AS3MT: variants seen among roughly 807,000 people sequenced by gnomAD.
The protein encoded by AS3MT is S-adenosyl-L-methionine:arsenic(III) methyltransferase.
AS3MT carries 47 observed loss-of-function variants against 45.3 expected under a neutral mutation model. The observed-to-expected ratio is 1.04, with a 90% CI of 0.82 to 1.32. AS3MT has a LOEUF of 1.32. Among genes scored for constraint, AS3MT ranks in the 40% most tolerant of loss-of-function variants. The pLI is 0.00. For synonymous variants in AS3MT, 141 were observed against 152.8 expected, an observed-to-expected ratio of 0.92 and a Z score of 0.57; for missense variants, 396 against 451.1, an observed-to-expected ratio of 0.88 and a Z score of 1.11.
intron 7 of AS3MT, 51 bp from the exon 8 acceptor site, chr10:102,878,328 T>C (rs1738066356): frequency 6.3e-7 from 1 of 1,593,338 alleles, no homozygotes; most frequent in Middle Eastern, 1.7e-4. Context: ...CCCTTAATAC[T>C]GTATTAAGTG....
chr10:102,879,264 T>C (rs1361348558), intron 9 of AS3MT, among the ~76,000 whole-genome samples: 9 of 152,218 alleles, frequency 5.9e-5, no homozygotes, highest in African/African-American at 2.2e-4. Flanking sequence ...GCTCAAGCGA[T>C]CCTCCCACCT....
At chr10:102,888,865 ATATATATATATATATATT>A (rs1845004353) in intron 9 of AS3MT, among the ~76,000 whole-genome samples, 1 of 83,542 alleles carries the variant, frequency 1.2e-5, no homozygotes, top group African/African-American at 5.2e-5. Flanking sequence ...ATATATATAT[ATATATATATATATATATT>A]TTTTTTTTTT....
intron 9 of AS3MT, among the ~76,000 whole-genome samples, chr10:102,883,689 G>A (rs980488915): frequency 6.6e-6 from 1 of 151,668 alleles, no homozygotes; most frequent in Non-Finnish European, 1.5e-5. Flanking sequence ...ACTCCAGCCT[G>A]GGCAACAGAG....
intron 9 of AS3MT, among the ~76,000 whole-genome samples, chr10:102,882,106 AT>A (rs2134118557): frequency 6.6e-6 from 1 of 151,870 alleles, no homozygotes; most frequent in African/African-American, 2.4e-5. Flanking sequence ...CACCCGGCTA[AT>A]TTTTTGTATT....
At chr10:102,876,511 C>T (rs1297494780) in intron 6 of AS3MT, among the ~76,000 whole-genome samples, 1 of 152,030 alleles carries the variant, frequency 6.6e-6, no homozygotes, top group East Asian at 1.9e-4. Context: ...CTGCTCTCCT[C>T]CAGCAAGCCT....
At chr10:102,872,342 G>A in intron 3 of AS3MT, 106 bp from the exon 4 acceptor site, 1 of 1,204,644 alleles carries the variant, frequency 8.3e-7, no homozygotes, top group Admixed American at 2.2e-5. Flanking sequence ...AAGAAGGAAG[G>A]AAGGAAGGAA....
At position 102,901,092 on chromosome 10, in the gene AS3MT, C is replaced by CAAAAAAAAAAAAAAAAAAGA. The variant is rs1845262921; in HGVS notation, c.*410_*411insGAAAAAAAAAAAAAAAAAAA. Reference sequence around the variant, plus strand: ...ACAGAGCAAGACTCTGTCTCAAAAGCAAAAAAAAAAAAAAAAAAAGAAAGA... The same window carrying CAAAAAAAAAAAAAAAAAAGA: ...ACAGAGCAAGACTCTGTCTCAAAAGCAAAAAAAAAAAAAAAAAAGAAAAAAAAAAAAAAAAAAAAGAAAGA... On this transcript the variant is annotated 3_prime_UTR_variant, in exon 11 of 11. Coordinates refer to ENST00000369880, the MANE Select transcript of AS3MT (RefSeq NM_020682.4). The CAAAAAAAAAAAAAAAAAAGA allele has an allele frequency of 1.3e-5, 1 of 75,882 alleles. No individual in the cohort carries two copies. The highest frequency in any genetic ancestry group is 5.3e-5 in the African/African-American group (1 of 18,846). 4.7% of individuals were successfully genotyped at this position (75,882 alleles called of 1,614,324 possible).
intron 10 of AS3MT, among the ~76,000 whole-genome samples, chr10:102,897,245 G>A (rs1039746728): frequency 1.3e-4 from 20 of 151,712 alleles, no homozygotes; most frequent in African/African-American, 4.3e-4. Flanking sequence ...TTAGCCGGGC[G>A]TGGTGGCGGG....
At chr10:102,888,707 C>CT (rs1337423186) in intron 9 of AS3MT, among the ~76,000 whole-genome samples, 1 of 150,862 alleles carries the variant, frequency 6.6e-6, no homozygotes, top group African/African-American at 2.4e-5. Flanking sequence ...AGGCATGAGC[C>CT]ACCACACCTG....
chr10:102,894,521 G>T (rs1345398107), intron 10 of AS3MT, among the ~76,000 whole-genome samples: 1 of 152,156 alleles, frequency 6.6e-6, no homozygotes, highest in East Asian at 1.9e-4. Context: ...GCATTGCAAA[G>T]TTATCCTAAA....
chr10:102,894,940 T>C (rs1351049649), intron 10 of AS3MT, among the ~76,000 whole-genome samples: 1 of 152,216 alleles, frequency 6.6e-6, no homozygotes, highest in Non-Finnish European at 1.5e-5. Flanking sequence ...CTTATGTCTC[T>C]CTAAAATGTA....
intron 9 of AS3MT, among the ~76,000 whole-genome samples, chr10:102,880,264 C>T (rs953780595): frequency 1.3e-5 from 2 of 151,824 alleles, no homozygotes; most frequent in African/African-American, 4.8e-5. Context: ...GAATCAGATA[C>T]CTGGGTTCAA....
chr10:102,873,821 C>A (rs926834234), intron 5 of AS3MT, among the ~76,000 whole-genome samples: 1 of 152,184 alleles, frequency 6.6e-6, no homozygotes, highest in African/African-American at 2.4e-5. Context: ...ACAATACATG[C>A]TGACCTGTAT....
At chr10:102,896,758 G>A (rs567091415) in intron 10 of AS3MT, among the ~76,000 whole-genome samples, 3 of 151,176 alleles carry the variant, frequency 2.0e-5, no homozygotes, top group Admixed American at 1.3e-4. Flanking sequence ...GCAGTGAGCC[G>A]AGATCGCGCC....
chr10:102,898,565 C>T (rs756416233), intron 10 of AS3MT, among the ~76,000 whole-genome samples: 4 of 151,754 alleles, frequency 2.6e-5, no homozygotes, highest in Admixed American at 6.6e-5. Flanking sequence ...ACTCCAGCCT[C>T]GGCGACAAAG....
chr10:102,900,583 C>T lies in AS3MT; in HGVS notation c.1021-10C>T, dbSNP rs1845254370. The T allele has an allele frequency of 3.1e-6, 5 of 1,606,022 alleles. No individual in the cohort carries two copies. Among genetic ancestry groups the T allele is most frequent in the East Asian group, 4.5e-5 (2 of 44,842 alleles). ...AACTTGTCCTTTCATTTTGGTTTGC[C>T]TTTTGACAGGATATAATCACAGATC... On this transcript the variant is annotated splice_polypyrimidine_tract_variant and intron_variant, in intron 10 of 10. Transcript: ENST00000369880.
intron 9 of AS3MT, among the ~76,000 whole-genome samples, chr10:102,889,587 C>T (rs1020697173): frequency 6.7e-6 from 1 of 150,306 alleles, no homozygotes; most frequent in African/African-American, 2.5e-5. Flanking sequence ...TCATTTCATT[C>T]CCTTCCCTTC....
intron 9 of AS3MT, among the ~76,000 whole-genome samples, chr10:102,882,497 A>G (rs1844880215): frequency 6.7e-6 from 1 of 149,356 alleles, no homozygotes; most frequent in Non-Finnish European, 1.5e-5. Flanking sequence ...ATAGCCCACT[A>G]TAGTCTTGAA....
At chr10:102,892,673 A>T (rs1006384489) in intron 10 of AS3MT, among the ~76,000 whole-genome samples, 4 of 152,038 alleles carry the variant, frequency 2.6e-5, no homozygotes, top group African/African-American at 9.7e-5. Flanking sequence ...TAACATATAT[A>T]TTTTTTAAAA....
Sources: gnomAD v4.1 joint callset for allele counts (sites outside exome capture counted in the v4.1 genomes callset) on GRCh38, gnomAD v4.1.1 for gene constraint, MANE v1.5 for transcripts, NCBI Gene and HGNC (gene_info 2026-07-23, HGNC 2026-07-21) for gene names.